TET3: variants seen among roughly 807,000 people sequenced by gnomAD.
TET3 encodes methylcytosine dioxygenase TET3.
In TET3, 19 loss-of-function variants were observed where a neutral mutation model predicts 141.4. The observed-to-expected ratio is 0.13, with a 90% confidence interval of 0.09 to 0.20. The LOEUF is 0.20. Among genes scored for constraint, TET3 ranks in the 10% least tolerant of loss-of-function variants. The pLI is 1.00. For missense variants in TET3, 1,874 were observed against 2,356.9 expected, an observed-to-expected ratio of 0.80 and a Z score of 4.24; for synonymous variants, 1,043 against 980.9, an observed-to-expected ratio of 1.06 and a Z score of -1.18.
At chr2:73,997,792 C>T (rs1684668240) in intron 2 of TET3, among the ~76,000 whole-genome samples, 1 of 152,130 alleles carries the variant, frequency 6.6e-6, no homozygotes, top group South Asian at 2.1e-4. Flanking sequence ...AAGGTAGGCA[C>T]ATTAACTCTG....
intron 10 of TET3, among the ~76,000 whole-genome samples, chr2:74,095,795 G>A (rs1420562144): frequency 1.3e-5 from 2 of 152,244 alleles, no homozygotes; most frequent in Admixed American, 6.5e-5. Context: ...GTAAACCACA[G>A]GGAGAGGCCA....
rs781300926 is a variant in TET3, at chr2:74,100,492, C to A, written c.3704C>A (p.Ala1235Glu). Residue 1235 changes from alanine to glutamate, a missense_variant, in exon 12 of 12, where the codon GCG (alanine) becomes GAG (glutamate). This residue lies in a region of TET3 where 602 missense variants were observed against 590.2 expected (regional missense o/e 1.02). Transcript: ENST00000409262. ...HFSSFKYSGN[A>E]VVESYSVLGN... ...AGCTCCTTCAAGTACAGCGGCAACGCGGTGGTGGAGAGCTACTCGGTGCTG... is the reference window on the plus strand; with the variant it reads ...AGCTCCTTCAAGTACAGCGGCAACGAGGTGGTGGAGAGCTACTCGGTGCTG... 1.2e-6 allele frequency: 2 copies of A among 1,601,794 alleles called. No individual in the cohort carries two copies. The highest frequency in any genetic ancestry group is 1.7e-4 in the Middle Eastern group (1 of 6,058).
intron 3 of TET3, among the ~76,000 whole-genome samples, chr2:74,030,671 C>T (rs1417152877): frequency 2.0e-5 from 3 of 152,020 alleles, no homozygotes; most frequent in African/African-American, 7.3e-5. Context: ...TAGAAGGCAC[C>T]CTGGCCTGGG....
chr2:74,071,147 A>G (rs1300379595), intron 4 of TET3, among the ~76,000 whole-genome samples: 2 of 152,098 alleles, frequency 1.3e-5, no homozygotes, highest in African/African-American at 4.8e-5. Context: ...AGGAGAGGAG[A>G]GGGAAAGGGG....
chr2:74,039,369 C>T (rs1255932564), intron 3 of TET3, among the ~76,000 whole-genome samples: 3 of 152,196 alleles, frequency 2.0e-5, no homozygotes, highest in Non-Finnish European at 4.4e-5. Flanking sequence ...ACCTGCCCAC[C>T]TGCCCAGATA....
intron 4 of TET3, among the ~76,000 whole-genome samples, chr2:74,069,137 A>AT (rs1689063530): frequency 7.3e-6 from 1 of 137,386 alleles, no homozygotes; most frequent in South Asian, 2.2e-4. Flanking sequence ...TAGCACGTGT[A>AT]TAGTTTAATT....
Position 74,047,106 on chromosome 2 carries a change from C to G in TET3, c.1189C>G (p.Pro397Ala), listed in dbSNP as rs375606763. Residue 397 changes from proline to alanine, a missense_variant, in exon 4 of 12, where the codon CCC (proline) becomes GCC (alanine). By Grantham distance (27) the Pro-to-Ala change is conservative. Coordinates refer to ENST00000409262, the MANE Select transcript of TET3 (RefSeq NM_001287491.2). ...GTCACCTCCTGCCCCTTTCAGATCT[C>G]CCCAGTCTTACCTCCGGGCTCCCTC... ...ALSPPAPFRSPQSYLRAPSWP... is the reference protein window; with the variant it reads ...ALSPPAPFRSAQSYLRAPSWP... The G allele has an allele frequency of 2.1e-5, 34 of 1,613,848 alleles. No homozygotes were observed. In the Admixed American group the frequency reaches 5.7e-4, roughly 27 times the overall value.
chr2:74,090,421 C>T (rs199946184), intron 8 of TET3, among the ~76,000 whole-genome samples: 10 of 152,358 alleles, frequency 6.6e-5, no homozygotes, highest in East Asian at 1.9e-4. Flanking sequence ...GCAGGAAAGG[C>T]GGTCTCCCGC....
At chr2:74,127,300 T>C in the TET3 span, among the ~76,000 whole-genome samples, 1 of 152,262 alleles carries the variant, frequency 6.6e-6, no homozygotes, top group African/African-American at 2.4e-5. Flanking sequence ...AGTGACAGAC[T>C]AATTTACAAC....
chr2:74,002,941 G>C, intron 2 of TET3, 169 bp from the exon 3 acceptor site: 1 of 657,876 alleles, frequency 1.5e-6, no homozygotes, highest in Non-Finnish European at 2.7e-6. Context: ...CCGTGATCCA[G>C]GCGGCAGCTG....
chr2:74,118,092 T>C, the TET3 span, among the ~76,000 whole-genome samples: 1 of 152,262 alleles, frequency 6.6e-6, no homozygotes, highest in Non-Finnish European at 1.5e-5. Context: ...AAGTACCTGC[T>C]TTAAACACCT....
chr2:74,093,044 T>G lies in TET3; in HGVS notation c.3129+53T>G. 6.0e-6 allele frequency: 9 copies of G among 1,501,344 alleles called. No homozygotes were observed. Among genetic ancestry groups the G allele is most frequent in the Non-Finnish European group, 8.2e-6 (9 of 1,101,712 alleles). 93.0% of individuals were successfully genotyped at this position (1,501,344 alleles called of 1,614,324 possible). On this transcript the variant is annotated intron_variant, in intron 9 of 11. Transcript: ENST00000409262. This position sits in a 1 kb window ranked among gnomAD's most constrained non-coding sequence, Gnocchi z 4.2. ...CACATGTCACCGTCCACATCTCTGC[T>G]CAGGCTCTGAAGGTGGGAAGTGGGA...
intron 2 of TET3, among the ~76,000 whole-genome samples, chr2:73,990,645 T>A (rs1573626780): frequency 6.6e-6 from 1 of 152,098 alleles, no homozygotes; most frequent in East Asian, 1.9e-4. Context: ...TGGGTGAAAA[T>A]GAGAGAAATG....
chr2:74,069,768 T>C lies in TET3; in HGVS notation c.2495-3781T>C, dbSNP rs192481465. On this transcript the variant is annotated intron_variant, in intron 4 of 11. Coordinates refer to ENST00000409262, the MANE Select transcript of TET3 (RefSeq NM_001287491.2). ...AGCCTGGCTAGGTTTTTATTGTTGT[T>C]ATTTGTTTGTTTGTATTGACAGGGT... is the stretch of plus-strand genomic sequence containing the variant. Among the ~76,000 whole-genome samples the C allele has an allele frequency of 2.7e-4, 41 of 152,146 alleles. No individual in the cohort carries two copies. The East Asian group carries it at 6.7e-3, about 25-fold the overall frequency.
chr2:74,093,689 C>A lies in TET3; in HGVS notation c.3267+23C>A. 1 of 1,554,734 alleles carries A rather than the reference C, an allele frequency of 6.4e-7. No homozygotes were observed. Among genetic ancestry groups the A allele is most frequent in the South Asian group, 1.2e-5 (1 of 84,608 alleles). On this transcript the variant is annotated intron_variant, in intron 10 of 11. Coordinates refer to ENST00000409262, the MANE Select transcript of TET3 (RefSeq NM_001287491.2). The surrounding 1 kb of genome is among the most constrained non-coding windows in gnomAD (Gnocchi z 4.2). ...GTGGTAAGCCTGTGCCCTGTCATAG[C>A]CCCACCTGTGGGGCAACTGTGGGAG...
intron 2 of TET3, among the ~76,000 whole-genome samples, chr2:73,994,857 G>A (rs1305916875): frequency 6.6e-6 from 1 of 151,852 alleles, no homozygotes; most frequent in Non-Finnish European, 1.5e-5. Context: ...GGCTGGTCTC[G>A]AACTCCTGAC....
chr2:74,039,221 G>C (rs1172609546), intron 3 of TET3, among the ~76,000 whole-genome samples: 2 of 152,178 alleles, frequency 1.3e-5, no homozygotes, highest in African/African-American at 2.4e-5. Context: ...GCCTGCCAGG[G>C]CTTATGATTC....
chr2:74,001,344 T>A (rs983529004), intron 2 of TET3, among the ~76,000 whole-genome samples: 1 of 152,288 alleles, frequency 6.6e-6, no homozygotes. Flanking sequence ...ACATCCTAAT[T>A]AATCCTGTGA....
Position 74,106,865 on chromosome 2 carries a change from TTTTG to T in TET3, c.*4693_*4696del. ...CTTGACCTTGAAAAATCTGGGGTCA[TTTTG>T]TTTTTCATTCTTCAGCAGTTAAGAT... On this transcript the variant is annotated 3_prime_UTR_variant, in exon 12 of 12. Transcript: ENST00000409262. 6.6e-6 allele frequency: 1 copy of T among 152,250 alleles called. No individual in the cohort carries two copies. The allele number at this position is 152,250 out of a possible 1,614,324, so 9.4% of individuals were successfully genotyped here.
Sources: gnomAD v4.1 joint callset for allele counts (sites outside exome capture counted in the v4.1 genomes callset) on GRCh38, gnomAD v4.1.1 for gene constraint, gnomAD v4.1.1 regional missense constraint, Gnocchi (gnomAD v3.1) non-coding constraint, MANE v1.5 for transcripts, NCBI Gene and HGNC (gene_info 2026-07-23, HGNC 2026-07-21) for gene names.